The following PHAX variants were observed in gnomAD, a reference collection of about 807,000 sequenced individuals.
PHAX encodes phosphorylated adapter RNA export protein.
A neutral mutation model predicts 41.6 loss-of-function variants in PHAX; 31 were observed. The observed-to-expected ratio is 0.75, with a 90% CI of 0.56 to 1.01. The LOEUF (loss-of-function observed/expected upper bound fraction) is 1.01, where lower values mean the gene tolerates loss of function less well. PHAX is among the 50% of genes least tolerant of loss of function. PHAX has a pLI of 0.00. For missense variants in PHAX, 453 were observed against 472.9 expected, an observed-to-expected ratio of 0.96 and a Z score of 0.39; for synonymous variants, 175 against 164.9, an observed-to-expected ratio of 1.06 and a Z score of -0.47.
At chr5:126,601,309 C>G (rs1174279915) in intron 1 of PHAX, among the ~76,000 whole-genome samples, 1 of 151,832 alleles carries the variant, frequency 6.6e-6, no homozygotes, top group Non-Finnish European at 1.5e-5. Flanking sequence ...CCGTGCGAAC[C>G]CCGAACTGGC....
chr5:126,626,953 A>T lies in PHAX; in HGVS notation c.*2109A>T, dbSNP rs982351021. 3 of 152,176 alleles carry T rather than the reference A, an allele frequency of 2.0e-5. No homozygotes were observed. The highest frequency in any genetic ancestry group is 4.4e-5 in the Non-Finnish European group (3 of 68,038). The allele number at this position is 152,176 out of a possible 1,614,324, so 9.4% of individuals were successfully genotyped here. A position where few individuals can be genotyped will look rare whatever the true frequency, so the allele number is the denominator to read the frequency against. On this transcript the variant is annotated 3_prime_UTR_variant, in exon 5 of 5. Transcript: ENST00000297540. ...AATGTTACATGTGCATGAAGTTTTA[A>T]ATTACTCATTTTTATTAATGAAGAA...
intron 4 of PHAX, among the ~76,000 whole-genome samples, chr5:126,623,290 A>G (rs1217019076): frequency 6.6e-6 from 1 of 152,158 alleles, no homozygotes. Context: ...ATCTCTATCA[A>G]AAACTTTTAA....
At chr5:126,613,112 G>A (rs1752130875) in intron 3 of PHAX, among the ~76,000 whole-genome samples, 1 of 152,200 alleles carries the variant, frequency 6.6e-6, no homozygotes. Flanking sequence ...ATTTTGGGAG[G>A]CTGAGACGGG....
rs1752369814 is a variant in PHAX, at chr5:126,627,152, G to T, written c.*2308G>T. The T allele has an allele frequency of 6.6e-6, 1 of 152,194 alleles. No homozygotes were observed. Among genetic ancestry groups the T allele is most frequent in the South Asian group, 2.1e-4 (1 of 4,834 alleles). 9.4% of individuals were successfully genotyped at this position (152,194 alleles called of 1,614,324 possible). A position where few individuals can be genotyped will look rare whatever the true frequency, so the allele number is the denominator to read the frequency against. ...ACTTGAAGTCTTTTGGTAGTTCTGA[G>T]AATGTGGTCATTGAAGTTGGATCTA... is the stretch of plus-strand genomic sequence containing the variant. On this transcript the variant is annotated 3_prime_UTR_variant, in exon 5 of 5. Transcript: ENST00000297540.
At chr5:126,607,284 G>A (rs938959977) in intron 2 of PHAX, among the ~76,000 whole-genome samples, 39 of 151,322 alleles carry the variant, frequency 2.6e-4, no homozygotes, top group Middle Eastern at 3.5e-3. Context: ...ATTAATATTA[G>A]ACCTGGAGTT....
intron 1 of PHAX, among the ~76,000 whole-genome samples, chr5:126,601,877 G>C (rs1476988430): frequency 6.6e-6 from 1 of 152,222 alleles, no homozygotes; most frequent in East Asian, 1.9e-4. Flanking sequence ...ATGTTGCCCA[G>C]GCTGGTCTCG....
rs1751889997 is a variant in PHAX at position 126,601,069 on chromosome 5, A to G, written c.96+11A>G. 1 of 1,592,764 alleles carries G rather than the reference A, an allele frequency of 6.3e-7. No individual in the cohort carries two copies. The highest frequency in any genetic ancestry group is 1.4e-5 in the African/African-American group (1 of 73,188). ...CCGCTGCAATTGCCAGTGAGTGTGA[A>G]AGGAGGGTGGGTGATCGTGGCTGGG... On this transcript the variant is annotated intron_variant, in intron 1 of 4. Transcript: ENST00000297540.
chr5:126,609,418 A>C (rs1455099687), intron 3 of PHAX, among the ~76,000 whole-genome samples: 1 of 152,032 alleles, frequency 6.6e-6, no homozygotes, highest in African/African-American at 2.4e-5. Flanking sequence ...TGAAGTTTTA[A>C]GACGACAAAG....
At chr5:126,620,110 C>T (rs577909096) in intron 4 of PHAX, among the ~76,000 whole-genome samples, 2 of 152,308 alleles carry the variant, frequency 1.3e-5, no homozygotes, top group African/African-American at 2.4e-5. Context: ...GTTCTCTTAA[C>T]AGTCATTTTA....
Position 126,624,889 on chromosome 5 carries a change from T to G in PHAX, c.*45T>G. On this transcript the variant is annotated 3_prime_UTR_variant, in exon 5 of 5. Coordinates refer to ENST00000297540, the MANE Select transcript of PHAX (RefSeq NM_032177.4). Reference sequence around the variant, plus strand: ...AGGACTAAGCCTTTCTAAAATAACATTGTAATAAACCATTTTTACTGAGAT... The same window carrying G: ...AGGACTAAGCCTTTCTAAAATAACAGTGTAATAAACCATTTTTACTGAGAT... The G allele has an allele frequency of 3.3e-6, 5 of 1,537,082 alleles. No homozygotes were observed. The South Asian group carries it at 6.2e-5, about 19-fold the overall frequency.
intron 3 of PHAX, among the ~76,000 whole-genome samples, chr5:126,615,783 G>C (rs1173145481): frequency 6.6e-6 from 1 of 152,022 alleles, no homozygotes; most frequent in Non-Finnish European, 1.5e-5. Context: ...CAAAAGTGTT[G>C]TCTATCAGAG....
chr5:126,618,479 C>G (rs1294676357), intron 4 of PHAX, among the ~76,000 whole-genome samples: 2 of 152,082 alleles, frequency 1.3e-5, no homozygotes, highest in African/African-American at 4.8e-5. Context: ...AAAACAATTT[C>G]ATAGTATTCA....
At chr5:126,602,937 G>A (rs1751926733) in intron 1 of PHAX, among the ~76,000 whole-genome samples, 1 of 151,822 alleles carries the variant, frequency 6.6e-6, no homozygotes, top group East Asian at 1.9e-4. Flanking sequence ...CCCGGGAGGC[G>A]GAGCTTGCAG....
chr5:126,623,012 G>T (rs1752295073), intron 4 of PHAX, among the ~76,000 whole-genome samples: 1 of 151,866 alleles, frequency 6.6e-6, no homozygotes, highest in Non-Finnish European at 1.5e-5. Context: ...TGTAGTTCCA[G>T]CTACTCTAGA....
At chr5:126,601,093 G>A (rs766599574) in intron 1 of PHAX, 35 bp downstream of exon 1, 1 of 1,498,582 alleles carries the variant, frequency 6.7e-7, no homozygotes, top group Non-Finnish European at 9.2e-7. Flanking sequence ...ATCGTGGCTG[G>A]GCGCGCGGAG....
intron 3 of PHAX, among the ~76,000 whole-genome samples, chr5:126,609,927 G>T (rs755563355): frequency 8.5e-5 from 13 of 152,054 alleles, no homozygotes; most frequent in Non-Finnish European, 4.4e-5. Flanking sequence ...AGTAGAGGCA[G>T]GCTTTCACCA....
At position 126,613,386 on chromosome 5, in the gene PHAX, C is replaced by T. The variant is rs533256195; in HGVS notation, c.832-3864C>T. Among the ~76,000 whole-genome samples, 18 of 152,132 alleles carry T rather than the reference C, an allele frequency of 1.2e-4. No homozygotes were observed. The South Asian group carries it at 2.7e-3, about 23-fold the overall frequency. On this transcript the variant is annotated intron_variant, in intron 3 of 4. Transcript: ENST00000297540. The stretch of plus-strand genomic sequence containing the variant: ...AACAAGCCAATTTATATGACAGAAT[C>T]CCATTTGGGGTTGGAGTTACAAATA...
rs1486810732 is a variant in PHAX at position 126,615,919 on chromosome 5, T to TA, written c.832-1330dup. On this transcript the variant is annotated intron_variant, in intron 3 of 4. Coordinates refer to ENST00000297540, the MANE Select transcript of PHAX (RefSeq NM_032177.4). ...TGAGAAGCCACTGTATGTGTGTATATATATCTGATTTATTATATATATACA... is the reference window on the plus strand; with the variant it reads ...TGAGAAGCCACTGTATGTGTGTATATAATATCTGATTTATTATATATATACA... Among the ~76,000 whole-genome samples, 7 of 152,134 alleles carry TA rather than the reference T, an allele frequency of 4.6e-5. No individual in the cohort carries two copies. The East Asian group carries it at 1.3e-3, about 29-fold the overall frequency.
At chr5:126,605,503 A>G (rs1369005514) in intron 2 of PHAX, among the ~76,000 whole-genome samples, 1 of 151,922 alleles carries the variant, frequency 6.6e-6, no homozygotes, top group Admixed American at 6.6e-5. Context: ...CTTGAACGTG[A>G]GAGAGCCACC....
Sources: gnomAD v4.1 joint callset for allele counts (sites outside exome capture counted in the v4.1 genomes callset) on GRCh38, gnomAD v4.1.1 for gene constraint, MANE v1.5 for transcripts, NCBI Gene and HGNC (gene_info 2026-07-23, HGNC 2026-07-21) for gene names.